The following SYTL4 variants were observed in gnomAD, a reference collection of about 807,000 sequenced individuals.
SYTL4 encodes synaptotagmin-like protein 4.
Under a neutral mutation model 52.7 loss-of-function variants are expected in SYTL4, and 16 were observed. That is an observed-to-expected ratio of 0.30 (90% CI 0.21 to 0.46). SYTL4 has a LOEUF of 0.46. Among genes scored for constraint, SYTL4 ranks in the 20% least tolerant of loss-of-function variants. SYTL4 has a pLI of 1.00. For synonymous variants in SYTL4, 160 were observed against 186.6 expected (o/e 0.86, Z 1.16); for missense variants, 423 against 519.9 (o/e 0.81, Z 1.81).
At chrX:100,721,703 T>C (rs950293475) in intron 2 of SYTL4, among the ~76,000 whole-genome samples, 1 of 111,547 alleles carries the variant, frequency 9.0e-6, no homozygotes, top group Non-Finnish European at 1.9e-5. Context: ...TGTTCTCAGA[T>C]TTCTTGGATG....
chrX:100,697,005 T>C (rs2083719408), intron 8 of SYTL4, among the ~76,000 whole-genome samples: 1 of 112,202 alleles, frequency 8.9e-6, no homozygotes, highest in Non-Finnish European at 1.9e-5. Flanking sequence ...AAACAGAAGA[T>C]TTAATTCAGC....
At chrX:100,686,494 G>A (rs1216556498) in intron 15 of SYTL4, 185 bp downstream of exon 15, 5 of 408,229 alleles carry the variant, frequency 1.2e-5, no homozygotes, top group African/African-American at 2.5e-5. Flanking sequence ...CATCAATCCA[G>A]GAAAGGCAGA....
chrX:100,726,980 A>G (rs1265501486), intron 2 of SYTL4, among the ~76,000 whole-genome samples: 1 of 109,461 alleles, frequency 9.1e-6, no homozygotes, highest in Non-Finnish European at 1.9e-5. Flanking sequence ...CTCCATGTCC[A>G]TGTGTATCTA....
chrX:100,675,676 A>C lies in SYTL4; in HGVS notation c.*352T>G. 1 of 135,582 alleles carries C rather than the reference A, an allele frequency of 7.4e-6. No homozygotes were observed. Among genetic ancestry groups the C allele is most frequent in the Non-Finnish European group, 1.5e-5 (1 of 68,060 alleles). 11.2% of individuals were successfully genotyped at this position (135,582 alleles called of 1,213,427 possible). ...GCTTCCTAGGGAAGTAGGAACAATG[A>C]TAGCAAGACAGAAGATAAAAAGTTG... On this transcript the variant is annotated 3_prime_UTR_variant, in exon 20 of 20. Transcript: ENST00000372989.
At position 100,723,987 on chromosome X, in the gene SYTL4, G is replaced by A. The variant is rs1242985008; in HGVS notation, c.-240+7431C>T. Among the ~76,000 whole-genome samples, 187 of 95,778 alleles carry A rather than the reference G, an allele frequency of 2.0e-3. 2 individuals carry two copies. Among genetic ancestry groups the A allele is most frequent in the African/African-American group, 7.1e-3 (177 of 24,791 alleles). The allele number at this position is 95,778 out of a possible 115,157, so 83.2% of individuals were successfully genotyped here. A position where few individuals can be genotyped will look rare whatever the true frequency, so the allele number is the denominator to read the frequency against. ...AGGTGGGGGGGTCAGCCCCCCGCCC[G>A]GCCAGCCGCCCCGTCCGGGAGGGAG... is the stretch of plus-strand genomic sequence containing the variant. On this transcript the variant is annotated intron_variant, in intron 2 of 19. Transcript: ENST00000372989.
At chrX:100,714,521 A>G (rs1300051636) in intron 2 of SYTL4, among the ~76,000 whole-genome samples, 1 of 110,948 alleles carries the variant, frequency 9.0e-6, no homozygotes, top group Non-Finnish European at 1.9e-5. Flanking sequence ...AGCCTCCCAA[A>G]GTGCGGGGAT....
At chrX:100,706,140 T>C (rs1219117088) in intron 2 of SYTL4, among the ~76,000 whole-genome samples, 2 of 111,970 alleles carry the variant, frequency 1.8e-5, no homozygotes, top group Admixed American at 9.5e-5. Context: ...TCTGCTCCTA[T>C]ACCCAGGTTC....
chrX:100,698,310 A>G (rs759086066), intron 8 of SYTL4, among the ~76,000 whole-genome samples: 10 of 110,839 alleles, frequency 9.0e-5, no homozygotes, highest in Middle Eastern at 4.7e-3. Flanking sequence ...TCACCGTGTT[A>G]GCCAGGATGG....
intron 2 of SYTL4, among the ~76,000 whole-genome samples, chrX:100,714,098 T>G (rs1388795630): frequency 9.0e-6 from 1 of 111,496 alleles, no homozygotes; most frequent in African/African-American, 3.3e-5. Flanking sequence ...AATTGTATAC[T>G]TTATATATAA....
intron 8 of SYTL4, among the ~76,000 whole-genome samples, chrX:100,700,667 G>A (rs997872233): frequency 3.6e-5 from 4 of 111,764 alleles, no homozygotes; most frequent in Non-Finnish European, 7.5e-5. Flanking sequence ...CTGAGAAAGC[G>A]AATGCAAACT....
intron 14 of SYTL4, 126 bp downstream of exon 14, chrX:100,686,941 T>A: frequency 1.1e-6 from 1 of 909,202 alleles, no homozygotes; most frequent in Non-Finnish European, 1.5e-6. Context: ...CCAATCCTGG[T>A]TCTTTTCCTA....
intron 16 of SYTL4, among the ~76,000 whole-genome samples, chrX:100,684,201 A>G (rs1010874847): frequency 8.9e-6 from 1 of 111,772 alleles, no homozygotes; most frequent in Non-Finnish European, 1.9e-5. Context: ...AAATACAAAT[A>G]TTTTTGTTGA....
intron 8 of SYTL4, among the ~76,000 whole-genome samples, chrX:100,696,076 T>A (rs761965447): frequency 1.8e-5 from 2 of 112,031 alleles, no homozygotes; most frequent in Non-Finnish European, 3.8e-5. Context: ...AATCAGTTTA[T>A]CCATTCACCT....
chrX:100,680,622 C>A (rs913683323), intron 17 of SYTL4, among the ~76,000 whole-genome samples: 4 of 111,207 alleles, frequency 3.6e-5, no homozygotes, highest in Admixed American at 9.6e-5. Context: ...CGCATGTTAT[C>A]CCCTCTTCTG....
intron 17 of SYTL4, 61 bp downstream of exon 17, chrX:100,681,166 G>A (rs748521070): frequency 4.0e-5 from 40 of 1,005,463 alleles, no homozygotes; most frequent in Non-Finnish European, 4.5e-5. Context: ...AGCCAGCACC[G>A]GCCTTGCACA....
intron 15 of SYTL4, chrX:100,686,375 T>C (rs757532147): frequency 1.0e-4 from 40 of 390,562 alleles, no homozygotes; most frequent in Non-Finnish European, 1.5e-4. Flanking sequence ...CATTTTTTCT[T>C]AAGTGGATGA....
intron 8 of SYTL4, among the ~76,000 whole-genome samples, chrX:100,692,008 A>G (rs2083608583): frequency 9.0e-6 from 1 of 111,631 alleles, no homozygotes; most frequent in South Asian, 3.8e-4. Context: ...AGACAAAGTT[A>G]TTTTGTTTCT....
intron 2 of SYTL4, among the ~76,000 whole-genome samples, chrX:100,718,140 G>A (rs1011654737): frequency 2.7e-5 from 3 of 111,632 alleles, no homozygotes; most frequent in Non-Finnish European, 5.6e-5. Flanking sequence ...CCCAATATTG[G>A]TAGCTGTTTA....
At chrX:100,717,032 G>A (rs1307079626) in intron 2 of SYTL4, among the ~76,000 whole-genome samples, 1 of 111,679 alleles carries the variant, frequency 9.0e-6, no homozygotes, top group African/African-American at 3.3e-5. Flanking sequence ...TCCTTCTGCT[G>A]TCCTGGTAAT....
Sources: gnomAD v4.1 joint callset for allele counts (sites outside exome capture counted in the v4.1 genomes callset) on GRCh38, gnomAD v4.1.1 for gene constraint, MANE v1.5 for transcripts, NCBI Gene and HGNC (gene_info 2026-07-23, HGNC 2026-07-21) for gene names.